FLRT2: variants seen among roughly 807,000 people sequenced by gnomAD.
The protein encoded by FLRT2 is fibronectin leucine rich transmembrane protein 2, also known as leucine-rich repeat transmembrane protein FLRT2.
FLRT2 carries 15 observed loss-of-function variants against 40.0 expected under a neutral mutation model. The observed-to-expected ratio is 0.38, with a 90% CI of 0.25 to 0.58. FLRT2 has a LOEUF of 0.58. Among genes scored for constraint, FLRT2 ranks in the 20% least tolerant of loss-of-function variants. The pLI, the probability that FLRT2 is intolerant of heterozygous loss-of-function variation, is 0.71. For missense variants in FLRT2, 726 were observed against 840.0 expected (o/e 0.86, Z 1.68); for synonymous variants, 380 against 336.8 (o/e 1.13, Z -1.41).
chr14:85,609,470 T>C (rs1449335692), intron 1 of FLRT2, among the ~76,000 whole-genome samples: 1 of 152,186 alleles, frequency 6.6e-6, no homozygotes, highest in Non-Finnish European at 1.5e-5. Flanking sequence ...GAGAAAACAC[T>C]AGAGTCAGAG....
intron 1 of FLRT2, among the ~76,000 whole-genome samples, chr14:85,611,816 C>A (rs563603291): frequency 5.9e-5 from 9 of 151,930 alleles, no homozygotes; most frequent in East Asian, 1.9e-4. Flanking sequence ...AAGATTGGAA[C>A]TTTTTTCTGG....
Position 85,646,147 on chromosome 14 carries a change from T to C in FLRT2, c.*22650T>C, listed in dbSNP as rs1164361695. 1 of 152,204 alleles carries C rather than the reference T, an allele frequency of 6.6e-6. No homozygotes were observed. The highest frequency in any genetic ancestry group is 1.5e-5 in the Non-Finnish European group (1 of 68,058). 9.4% of individuals were successfully genotyped at this position (152,204 alleles called of 1,614,324 possible). A position where few individuals can be genotyped will look rare whatever the true frequency, so the allele number is the denominator to read the frequency against. On this transcript the variant is annotated 3_prime_UTR_variant, in exon 2 of 2. Transcript: ENST00000330753. Reference sequence around the variant, plus strand: ...GGTTAAGAAAATGAACTCAGGCCGGTAAGAGTCACTGTTATCATTCACCAC... The same window carrying C: ...GGTTAAGAAAATGAACTCAGGCCGGCAAGAGTCACTGTTATCATTCACCAC...
chr14:85,541,348 C>T (rs1888974293), intron 1 of FLRT2, among the ~76,000 whole-genome samples: 1 of 152,110 alleles, frequency 6.6e-6, no homozygotes, highest in South Asian at 2.1e-4. Context: ...GGCATGATCC[C>T]TCCACTTGAG....
At chr14:85,533,409 C>G (rs1051973721) in intron 1 of FLRT2, among the ~76,000 whole-genome samples, 1 of 152,122 alleles carries the variant, frequency 6.6e-6, no homozygotes, top group Non-Finnish European at 1.5e-5. Context: ...TTGGAGCGAG[C>G]CCTGCGCCCG....
chr14:85,603,677 T>C (rs1892481450), intron 1 of FLRT2, among the ~76,000 whole-genome samples: 1 of 151,672 alleles, frequency 6.6e-6, no homozygotes, highest in Admixed American at 6.6e-5. Flanking sequence ...GAGACCAGTC[T>C]GGCCAACATG....
chr14:85,573,982 A>G (rs1891010845), intron 1 of FLRT2, among the ~76,000 whole-genome samples: 2 of 152,152 alleles, frequency 1.3e-5, no homozygotes, highest in South Asian at 2.1e-4. Context: ...CTGTGCATCA[A>G]GGCTCACCTG....
In FLRT2 at chr14:85,623,421, A is replaced by G. The variant is rs527494301; in HGVS notation, c.1907A>G (p.Tyr636Cys). ...PIYTPNGGIN[Y>C]TDCHIPNNMR... ...TACACCCCAAATGGGGGCATTAATT[A>G]CACAGACTGCCATATCCCCAACAAC... Residue 636 changes from tyrosine to cysteine, a missense_variant, in exon 2 of 2, where the codon TAC (tyrosine) becomes TGC (cysteine). Tyr to Cys is a radical substitution (Grantham distance 194). Transcript: ENST00000330753. 7.6e-5 allele frequency: 114 copies of G among 1,500,916 alleles called. 1 individual carries two copies. In the South Asian group the frequency reaches 1.5e-3, roughly 19 times the overall value. 93.0% of individuals were successfully genotyped at this position (1,500,916 alleles called of 1,614,324 possible).
chr14:85,567,916 G>A (rs1479428086), intron 1 of FLRT2, among the ~76,000 whole-genome samples: 1 of 152,016 alleles, frequency 6.6e-6, no homozygotes, highest in Non-Finnish European at 1.5e-5. Flanking sequence ...GGGATTATAA[G>A]CGTGAGCCAC....
In FLRT2 at chr14:85,645,259, T is replaced by C. The variant is rs1189181026; in HGVS notation, c.*21762T>C. ...ATACATATATGTATACATGTGTATA[T>C]ATGTATACATGTGTATATATGTATA... On this transcript the variant is annotated 3_prime_UTR_variant, in exon 2 of 2. Coordinates refer to ENST00000330753, the MANE Select transcript of FLRT2 (RefSeq NM_013231.6). 6.6e-6 allele frequency: 1 copy of C among 150,976 alleles called. No homozygotes were observed. Among genetic ancestry groups the C allele is most frequent in the Non-Finnish European group, 1.5e-5 (1 of 67,928 alleles). 9.4% of individuals were successfully genotyped at this position (150,976 alleles called of 1,614,324 possible).
At chr14:85,605,410 G>A (rs532154418) in intron 1 of FLRT2, among the ~76,000 whole-genome samples, 1 of 152,242 alleles carries the variant, frequency 6.6e-6, no homozygotes, top group South Asian at 2.1e-4. Context: ...TAGTGTACAT[G>A]TTACCTAATA....
chr14:85,548,314 A>T (rs187304491), intron 1 of FLRT2, among the ~76,000 whole-genome samples: 12 of 152,370 alleles, frequency 7.9e-5, no homozygotes, highest in Non-Finnish European at 1.5e-4. Flanking sequence ...AAATTATCTC[A>T]TAGAAGAAGC....
chr14:85,554,895 C>A (rs1484709757), intron 1 of FLRT2, among the ~76,000 whole-genome samples: 1 of 152,124 alleles, frequency 6.6e-6, no homozygotes, highest in Non-Finnish European at 1.5e-5. Context: ...GTTTGCCGTC[C>A]TGCAGAGTCA....
At chr14:85,535,706 C>T (rs1407082880) in intron 1 of FLRT2, among the ~76,000 whole-genome samples, 2 of 152,036 alleles carry the variant, frequency 1.3e-5, no homozygotes, top group Non-Finnish European at 2.9e-5. Context: ...TTAATAATCA[C>T]TGAAGACAGT....
intron 1 of FLRT2, among the ~76,000 whole-genome samples, chr14:85,565,437 C>A (rs545681716): frequency 6.6e-6 from 1 of 152,164 alleles, no homozygotes; most frequent in South Asian, 2.1e-4. Flanking sequence ...AAAATAATGA[C>A]CTTGATGTTG....
At chr14:85,585,231 C>G (rs1891564677) in intron 1 of FLRT2, among the ~76,000 whole-genome samples, 1 of 152,180 alleles carries the variant, frequency 6.6e-6, no homozygotes, top group African/African-American at 2.4e-5. Flanking sequence ...GGCCATCCAT[C>G]TTCAGGTTTG....
At chr14:85,560,684 G>C (rs772403194) in intron 1 of FLRT2, among the ~76,000 whole-genome samples, 5 of 151,590 alleles carry the variant, frequency 3.3e-5, no homozygotes, top group Admixed American at 2.0e-4. Flanking sequence ...TTCACACACA[G>C]AATGTATGCT....
Position 85,645,240 on chromosome 14 carries a change from ATATGTATACATG to A in FLRT2, c.*21745_*21756del, listed in dbSNP as rs1894267528. ...CACATGTGTATATATGTATATACAT[ATATGTATACATG>A]TGTATATATGTATACATGTGTATAT... On this transcript the variant is annotated 3_prime_UTR_variant, in exon 2 of 2. Coordinates refer to ENST00000330753, the MANE Select transcript of FLRT2 (RefSeq NM_013231.6). 1 of 101,152 alleles carries A rather than the reference ATATGTATACATG, an allele frequency of 9.9e-6. No individual in the cohort carries two copies. Among genetic ancestry groups the A allele is most frequent in the Admixed American group, 1.1e-4 (1 of 8,848 alleles). The allele number at this position is 101,152 out of a possible 1,614,324, so 6.3% of individuals were successfully genotyped here. A position where few individuals can be genotyped will look rare whatever the true frequency, so the allele number is the denominator to read the frequency against.
rs1436719304 is a variant in FLRT2 at position 85,645,497 on chromosome 14, G to T, written c.*22000G>T. On this transcript the variant is annotated 3_prime_UTR_variant, in exon 2 of 2. Coordinates refer to ENST00000330753, the MANE Select transcript of FLRT2 (RefSeq NM_013231.6). ...TTCCAAGTGAGCAGGTCTTTGAATG[G>T]TACATCTATTTGTTCACTCTGCTTG... 1 of 152,002 alleles carries T rather than the reference G, an allele frequency of 6.6e-6. No homozygotes were observed. The highest frequency in any genetic ancestry group is 1.5e-5 in the Non-Finnish European group (1 of 68,004). 9.4% of individuals were successfully genotyped at this position (152,002 alleles called of 1,614,324 possible).
chr14:85,614,262 C>A (rs1893022497), intron 1 of FLRT2, among the ~76,000 whole-genome samples: 1 of 152,124 alleles, frequency 6.6e-6, no homozygotes. Context: ...CCTTTTCTAC[C>A]TCTCTTAAAC....
Sources: allele counts gnomAD v4.1 joint callset (sites outside exome capture counted in the v4.1 genomes callset), GRCh38; gene constraint gnomAD v4.1.1; transcripts MANE v1.5; gene names NCBI Gene and HGNC (gene_info 2026-07-23, HGNC 2026-07-21).